CCDC170: variants seen among roughly 807,000 people sequenced by gnomAD.
CCDC170 encodes the protein coiled-coil domain-containing protein 170.
In CCDC170, 69 loss-of-function variants were observed where a neutral mutation model predicts 72.6. The ratio of observed to expected loss-of-function variants is 0.95; its 90% CI spans 0.78 to 1.16. CCDC170 has a LOEUF of 1.16. Among genes scored for constraint, CCDC170 ranks in the 50% most tolerant of loss-of-function variants. The pLI is 0.00. For missense variants in CCDC170, 852 were observed against 832.5 expected (o/e 1.02, Z -0.29); for synonymous variants, 300 against 303.9 (o/e 0.99, Z 0.13).
intron 5 of CCDC170, among the ~76,000 whole-genome samples, chr6:151,565,205 G>A (rs1390971899): frequency 6.6e-6 from 1 of 152,190 alleles, no homozygotes; most frequent in Admixed American, 6.5e-5. Context: ...TGCAGGGGCT[G>A]TTGGGCCCCA....
At chr6:151,615,777 G>A (rs1161697586) in intron 10 of CCDC170, 98 bp downstream of exon 10, 4 of 896,632 alleles carry the variant, frequency 4.5e-6, no homozygotes, top group Non-Finnish European at 7.0e-6. Flanking sequence ...TTTTAAAAAA[G>A]TTTGGACTGT....
rs961487720 is a variant in CCDC170, at chr6:151,620,292, G to A, written c.*2145G>A. 6.6e-6 allele frequency: 1 copy of A among 152,058 alleles called. No individual in the cohort carries two copies. Among genetic ancestry groups the A allele is most frequent in the African/African-American group, 2.4e-5 (1 of 41,414 alleles). The allele number at this position is 152,058 out of a possible 1,614,324, so 9.4% of individuals were successfully genotyped here. On this transcript the variant is annotated 3_prime_UTR_variant, in exon 11 of 11. Coordinates refer to ENST00000239374, the MANE Select transcript of CCDC170 (RefSeq NM_025059.4). ...TGTTGGTTGGATGACAGACCACACAGAGGGAGAGTGACCAGGCTTTGCTTG... is the reference window on the plus strand; with the variant it reads ...TGTTGGTTGGATGACAGACCACACAAAGGGAGAGTGACCAGGCTTTGCTTG...
At chr6:151,592,357 C>T (rs1401447478) in intron 7 of CCDC170, among the ~76,000 whole-genome samples, 2 of 151,952 alleles carry the variant, frequency 1.3e-5, no homozygotes, top group African/African-American at 4.8e-5. Flanking sequence ...AAGACTCTGT[C>T]TCAAAATAAA....
chr6:151,573,515 A>G, intron 6 of CCDC170, 24 bp downstream of exon 6: 1 of 1,596,970 alleles, frequency 6.3e-7, no homozygotes, highest in South Asian at 1.1e-5. Context: ...GGCTGTTTAC[A>G]GACATCTTAA....
chr6:151,537,933 T>A lies in CCDC170; in HGVS notation c.187-112T>A, dbSNP rs972333259. The A allele has an allele frequency of 5.7e-6, 6 of 1,050,624 alleles. No individual in the cohort carries two copies. The Admixed American group carries it at 1.0e-4, about 18-fold the overall frequency. The allele number at this position is 1,050,624 out of a possible 1,614,324, so 65.1% of individuals were successfully genotyped here. On this transcript the variant is annotated intron_variant, in intron 2 of 10. Coordinates refer to ENST00000239374, the MANE Select transcript of CCDC170 (RefSeq NM_025059.4). ...TATTAGAAAAAAAATAAAGTTAGAT[T>A]AAGTCATGAATAAAAGAGTGAACAT...
Position 151,507,224 on chromosome 6 carries a change from A to G in CCDC170, c.57+13039A>G, listed in dbSNP as rs149099769. Among the ~76,000 whole-genome samples, 126 of 152,252 alleles carry G rather than the reference A, an allele frequency of 8.3e-4. 1 individual carries two copies. The East Asian group carries it at 0.023, about 27-fold the overall frequency. ...GTAGCCCCTGCCCAATTTCGTAGAG[A>G]GACAGGGCTGACCAATCCATCGGTG... is the stretch of plus-strand genomic sequence containing the variant. On this transcript the variant is annotated intron_variant, in intron 1 of 10. Transcript: ENST00000239374.
chr6:151,528,335 C>T (rs1284698759), intron 1 of CCDC170, among the ~76,000 whole-genome samples: 1 of 152,000 alleles, frequency 6.6e-6, no homozygotes, highest in African/African-American at 2.4e-5. Context: ...TTATGAACTC[C>T]AGGAGGGCTG....
At position 151,519,426 on chromosome 6, in the gene CCDC170, C is replaced by T. The variant is rs184382068; in HGVS notation, c.58-16892C>T. On this transcript the variant is annotated intron_variant, in intron 1 of 10. Coordinates refer to ENST00000239374, the MANE Select transcript of CCDC170 (RefSeq NM_025059.4). ...CCCTGAAAATCGCTGTTATTCCGTT[C>T]TTTTTCAAGGTGCACTGATTTCATA... Among the ~76,000 whole-genome samples, 1,309 of 152,240 alleles carry T rather than the reference C, an allele frequency of 8.6e-3. 23 individuals carry two copies. Among genetic ancestry groups the T allele is most frequent in the African/African-American group, 0.03 (1,231 of 41,552 alleles).
At chr6:151,516,800 G>C (rs551485921) in intron 1 of CCDC170, among the ~76,000 whole-genome samples, 1 of 152,322 alleles carries the variant, frequency 6.6e-6, no homozygotes, top group South Asian at 2.1e-4. Flanking sequence ...TACCTAGTGC[G>C]TGGGGAAGGC....
At chr6:151,517,451 T>C (rs1392698037) in intron 1 of CCDC170, among the ~76,000 whole-genome samples, 1 of 149,102 alleles carries the variant, frequency 6.7e-6, no homozygotes, top group African/African-American at 2.5e-5. Context: ...TTTTTTTTTT[T>C]GAGATGGAGT....
intron 1 of CCDC170, among the ~76,000 whole-genome samples, chr6:151,517,435 T>C (rs1189864153): frequency 7.8e-6 from 1 of 128,592 alleles, no homozygotes; most frequent in African/African-American, 3.5e-5. Flanking sequence ...CTTCTTCTTC[T>C]TTTTTTTTTT....
Position 151,584,333 on chromosome 6 carries a change from AT to A in CCDC170, c.1093-1548del, listed in dbSNP as rs574592472. On this transcript the variant is annotated intron_variant, in intron 6 of 10. Coordinates refer to ENST00000239374, the MANE Select transcript of CCDC170 (RefSeq NM_025059.4). ...TTATTTTGATTATTTATTATTTTTA[AT>A]TTTTTTTCTCAGACCTCACAGGGAA... Among the ~76,000 whole-genome samples, 7 of 151,808 alleles carry A rather than the reference AT, an allele frequency of 4.6e-5. No individual in the cohort carries two copies. The East Asian group carries it at 7.7e-4, about 17-fold the overall frequency.
At position 151,613,390 on chromosome 6, in the gene CCDC170, A is replaced by G. The variant is rs557966733; in HGVS notation, c.1711-2053A>G. On this transcript the variant is annotated intron_variant, in intron 9 of 10. Transcript: ENST00000239374. ...TGCACTCCAGCCTGGGTGACAGAGCAAGACCCTGTCTCAAAAAAAGTGTAC... is the reference window on the plus strand; with the variant it reads ...TGCACTCCAGCCTGGGTGACAGAGCGAGACCCTGTCTCAAAAAAAGTGTAC... Among the ~76,000 whole-genome samples, 14 of 152,310 alleles carry G rather than the reference A, an allele frequency of 9.2e-5. No homozygotes were observed. The East Asian group carries it at 2.3e-3, about 25-fold the overall frequency.
intron 5 of CCDC170, among the ~76,000 whole-genome samples, chr6:151,548,692 A>C (rs902354913): frequency 6.7e-6 from 1 of 149,978 alleles, no homozygotes; most frequent in Non-Finnish European, 1.5e-5. Flanking sequence ...ATATATGTAC[A>C]TTTAAAAATT....
chr6:151,521,985 CAAAAA>C (rs34730093), intron 1 of CCDC170, among the ~76,000 whole-genome samples: 5 of 78,286 alleles, frequency 6.4e-5, no homozygotes, highest in African/African-American at 1.4e-4. Flanking sequence ...GACTCTGTCT[CAAAAA>C]AAAAAAAAAA....
intron 9 of CCDC170, among the ~76,000 whole-genome samples, chr6:151,606,732 A>T (rs1398988214): frequency 6.6e-6 from 1 of 152,182 alleles, no homozygotes; most frequent in Non-Finnish European, 1.5e-5. Context: ...GAAGTCCTCA[A>T]CTATTATTAT....
chr6:151,592,574 C>T (rs148047878), intron 7 of CCDC170, among the ~76,000 whole-genome samples: 11 of 152,190 alleles, frequency 7.2e-5, no homozygotes, highest in African/African-American at 2.6e-4. Flanking sequence ...AACCATCAGA[C>T]GTCGTGAGAC....
intron 1 of CCDC170, among the ~76,000 whole-genome samples, chr6:151,517,345 A>G (rs567596085): frequency 2.0e-5 from 3 of 152,262 alleles, no homozygotes; most frequent in Non-Finnish European, 4.4e-5. Context: ...TAAACAAAAA[A>G]CAAAAGAAAA....
chr6:151,494,876 T>C (rs1971256), intron 1 of CCDC170, among the ~76,000 whole-genome samples: 55,428 of 152,066 alleles, frequency 0.36, 13,381 homozygotes, highest in African/African-American at 0.69. Context: ...GCTGGCTCAG[T>C]CTGGGTTAAG....
Sources: gnomAD v4.1 joint callset for allele counts (sites outside exome capture counted in the v4.1 genomes callset) on GRCh38, gnomAD v4.1.1 for gene constraint, MANE v1.5 for transcripts, NCBI Gene and HGNC (gene_info 2026-07-23, HGNC 2026-07-21) for gene names.